INPP4B: variants seen among roughly 807,000 people sequenced by gnomAD.
The protein encoded by INPP4B is inositol polyphosphate-4-phosphatase type II B.
A neutral mutation model predicts 122.5 loss-of-function variants in INPP4B; 55 were observed. That is an observed-to-expected ratio of 0.45 (90% CI 0.36 to 0.56). The LOEUF is 0.56. INPP4B is among the 20% of genes least tolerant of loss of function. The pLI, the probability that INPP4B is intolerant of heterozygous loss-of-function variation, is 0.00. For synonymous variants in INPP4B, 403 were observed against 388.7 expected (o/e 1.04, Z -0.43); for missense variants, 1,000 against 1,097.7 (o/e 0.91, Z 1.26).
intron 2 of INPP4B, among the ~76,000 whole-genome samples, chr4:142,513,423 T>A (rs1477219670): frequency 1.3e-5 from 2 of 152,034 alleles, no homozygotes; most frequent in African/African-American, 4.8e-5. Flanking sequence ...CTTTTTTTTT[T>A]TGAGACGAAC....
At chr4:142,728,379 A>G (rs1471714685) in intron 1 of INPP4B, among the ~76,000 whole-genome samples, 2 of 152,226 alleles carry the variant, frequency 1.3e-5, no homozygotes, top group Non-Finnish European at 2.9e-5. Flanking sequence ...CATCAAGTAG[A>G]CCAACATCTG....
At chr4:142,769,371 T>G (rs368667460) in intron 1 of INPP4B, among the ~76,000 whole-genome samples, 16 of 152,244 alleles carry the variant, frequency 1.1e-4, no homozygotes, top group African/African-American at 3.6e-4. Flanking sequence ...CTTTGCAGGA[T>G]TTTTCTGGAT....
At chr4:142,389,251 G>GAAAAAAAAAAAAAAA (rs199976631) in intron 7 of INPP4B, among the ~76,000 whole-genome samples, 1 of 89,514 alleles carries the variant, frequency 1.1e-5, no homozygotes. Context: ...CTCCATCTCA[G>GAAAAAAAAAAAAAAA]AAAAAAAAAA....
intron 2 of INPP4B, among the ~76,000 whole-genome samples, chr4:142,482,595 G>A (rs572003665): frequency 2.6e-4 from 39 of 152,164 alleles, no homozygotes; most frequent in Middle Eastern, 3.4e-3. Flanking sequence ...TATTTGTGGT[G>A]GACTCTCTTT....
At chr4:142,308,046 A>G (rs1425300160) in intron 8 of INPP4B, among the ~76,000 whole-genome samples, 1 of 152,180 alleles carries the variant, frequency 6.6e-6, no homozygotes, top group Non-Finnish European at 1.5e-5. Context: ...AAGTCATTGA[A>G]TGTTTCTCCT....
intron 21 of INPP4B, among the ~76,000 whole-genome samples, chr4:142,120,299 T>G (rs762752625): frequency 7.9e-5 from 12 of 152,138 alleles, no homozygotes; most frequent in Non-Finnish European, 1.3e-4. Context: ...TTTGTTCTTC[T>G]TTTACAAAAT....
At chr4:142,229,690 C>A (rs1185824508) in intron 12 of INPP4B, among the ~76,000 whole-genome samples, 1 of 152,096 alleles carries the variant, frequency 6.6e-6, no homozygotes, top group Non-Finnish European at 1.5e-5. Context: ...CACTCAAAAG[C>A]CAGATGAAGC....
At chr4:142,308,720 AATTT>A (rs1764358953) in intron 8 of INPP4B, among the ~76,000 whole-genome samples, 2 of 151,596 alleles carry the variant, frequency 1.3e-5, no homozygotes, top group Admixed American at 6.6e-5. Context: ...AATTTAAGAT[AATTT>A]ATTTAATTTT....
chr4:142,683,578 A>G (rs1758935584), intron 2 of INPP4B, among the ~76,000 whole-genome samples: 1 of 151,274 alleles, frequency 6.6e-6, no homozygotes, highest in Non-Finnish European at 1.5e-5. Flanking sequence ...GTTGTCTCCC[A>G]TGAAACCTAT....
intron 2 of INPP4B, among the ~76,000 whole-genome samples, chr4:142,484,494 C>A (rs1172888680): frequency 6.6e-6 from 1 of 151,990 alleles, no homozygotes; most frequent in African/African-American, 2.4e-5. Flanking sequence ...TTAGAAGGGT[C>A]TTGATACATC....
intron 2 of INPP4B, among the ~76,000 whole-genome samples, chr4:142,538,051 C>T (rs796262339): frequency 3.3e-5 from 5 of 152,128 alleles, no homozygotes; most frequent in African/African-American, 1.2e-4. Context: ...AACAACAAAA[C>T]CCTTACCTAG....
chr4:142,110,213 A>G (rs1386623490), intron 22 of INPP4B, among the ~76,000 whole-genome samples: 2 of 152,114 alleles, frequency 1.3e-5, no homozygotes, highest in African/African-American at 4.8e-5. Context: ...TTCTTTCCAC[A>G]GGCACAAAGA....
chr4:142,252,622 G>T (rs1374739631), intron 11 of INPP4B, among the ~76,000 whole-genome samples: 3 of 151,994 alleles, frequency 2.0e-5, no homozygotes, highest in Non-Finnish European at 4.4e-5. Flanking sequence ...AATACATTTA[G>T]CATACAGTTT....
intron 2 of INPP4B, among the ~76,000 whole-genome samples, chr4:142,598,930 T>C (rs1465244486): frequency 2.6e-5 from 4 of 152,192 alleles, no homozygotes; most frequent in African/African-American, 4.8e-5. Context: ...AAGTGCACCC[T>C]TGCTGGTTGC....
chr4:142,782,107 T>C (rs1774934645), intron 1 of INPP4B, among the ~76,000 whole-genome samples: 1 of 152,060 alleles, frequency 6.6e-6, no homozygotes, highest in Non-Finnish European at 1.5e-5. Context: ...GCATTAGGTA[T>C]ATCTCCTAAT....
intron 2 of INPP4B, among the ~76,000 whole-genome samples, chr4:142,682,297 C>G (rs1758735311): frequency 6.6e-6 from 1 of 151,720 alleles, no homozygotes; most frequent in South Asian, 2.1e-4. Flanking sequence ...CTTTCTCTCT[C>G]CTCCCTTTTA....
intron 21 of INPP4B, among the ~76,000 whole-genome samples, chr4:142,112,965 C>T (rs371070958): frequency 6.6e-6 from 1 of 151,986 alleles, no homozygotes; most frequent in Non-Finnish European, 1.5e-5. Flanking sequence ...GCATTGATAG[C>T]CTCAATTTTT....
chr4:142,307,127 G>C (rs1284535342), intron 8 of INPP4B, among the ~76,000 whole-genome samples: 1 of 152,168 alleles, frequency 6.6e-6, no homozygotes, highest in Non-Finnish European at 1.5e-5. Flanking sequence ...AGTGAATCAA[G>C]ATAAAGAAGG....
At chr4:142,783,514 G>A (rs566796201) in intron 1 of INPP4B, among the ~76,000 whole-genome samples, 8 of 152,140 alleles carry the variant, frequency 5.3e-5, no homozygotes, top group South Asian at 2.1e-4. Flanking sequence ...GAAGCACCAC[G>A]CATAGACAGT....
Sources: gnomAD v4.1 joint callset for allele counts (sites outside exome capture counted in the v4.1 genomes callset) on GRCh38, gnomAD v4.1.1 for gene constraint, MANE v1.5 for transcripts, NCBI Gene and HGNC (gene_info 2026-07-23, HGNC 2026-07-21) for gene names.